Variants in NUP188 observed in about 807,000 individuals in gnomAD.
NUP188 encodes the protein nucleoporin 188.
NUP188 carries 97 observed loss-of-function variants against 223.0 expected under a neutral mutation model. The observed-to-expected ratio is 0.43, with a 90% CI of 0.37 to 0.51. The LOEUF (loss-of-function observed/expected upper bound fraction) is 0.51. NUP188 is among the 20% of genes least tolerant of loss of function. NUP188 has a pLI of 0.00. For missense variants in NUP188, 1,947 were observed against 2,175.6 expected (o/e 0.89, Z 2.09); for synonymous variants, 869 against 828.0 (o/e 1.05, Z -0.85).
intron 25 of NUP188, 157 bp from the exon 26 acceptor site, chr9:128,993,039 TG>T (rs1245464666): frequency 1.6e-6 from 1 of 625,704 alleles, no homozygotes; most frequent in African/African-American, 1.8e-5. Flanking sequence ...GGGCATCTCA[TG>T]CTTGTTTGTG....
intron 7 of NUP188, 48 bp downstream of exon 7, chr9:128,958,942 ATAATTT>A (rs1186322408): frequency 1.1e-5 from 16 of 1,413,084 alleles, no homozygotes; most frequent in Non-Finnish European, 1.5e-5. Flanking sequence ...TATCATCTTA[ATAATTT>A]TATTAATATT....
Position 129,006,305 on chromosome 9 carries a change from T to C in NUP188, c.5010T>C (p.Leu1670=). The change falls in exon 43 of 44, where the codon CTT becomes CTC. Residue 1670 remains leucine (L), a synonymous_variant. Coordinates refer to ENST00000372577, the MANE Select transcript of NUP188 (RefSeq NM_015354.3). ...YLLISQAMRY[L]RDPAVHPRDK... ...TCATCTCTCAGGCGATGCGGTACCT[T>C]AGGGACCCGGCTGTGCACCCCCGGG... 2 of 1,614,058 alleles carry C rather than the reference T, an allele frequency of 1.2e-6. No homozygotes were observed. Among genetic ancestry groups the C allele is most frequent in the Non-Finnish European group, 1.7e-6 (2 of 1,179,998 alleles).
At chr9:129,003,978 G>C (rs868211118) in intron 38 of NUP188, 1 of 114,162 alleles carries the variant, frequency 8.8e-6, no homozygotes, top group Non-Finnish European at 1.7e-5. Context: ...GTCCCAAAAA[G>C]AAAAAAAAAA....
At chr9:128,964,492 GC>G (rs2131149325) in intron 8 of NUP188, among the ~76,000 whole-genome samples, 1 of 150,326 alleles carries the variant, frequency 6.7e-6, no homozygotes, top group South Asian at 2.1e-4. Context: ...CCCACAAGTA[GC>G]TGGGACTACA....
rs1052429762 is a variant in NUP188, at chr9:128,970,850, A to G, written c.1005A>G (p.Pro335=). The G allele has an allele frequency of 1.2e-6, 2 of 1,614,046 alleles. No homozygotes were observed. Among genetic ancestry groups the G allele is most frequent in the African/African-American group, 1.3e-5 (1 of 74,930 alleles). The change falls in exon 11 of 44, where the codon CCA becomes CCG. Residue 335 remains proline (P), a synonymous_variant. Coordinates refer to ENST00000372577, the MANE Select transcript of NUP188 (RefSeq NM_015354.3). ...CTCTCCTCCGTCACACTCTGAACCC[A>G]GAAGAGACAAGCAGTGTGGTCCGGA... ...AWALLRHTLN[P]EETSSVVRKI...
intron 12 of NUP188, among the ~76,000 whole-genome samples, chr9:128,974,243 A>G (rs112782332): frequency 9.2e-5 from 14 of 151,842 alleles, no homozygotes; most frequent in African/African-American, 3.4e-4. Flanking sequence ...AGGTCTCAGT[A>G]TATTGCCCAG....
intron 36 of NUP188, among the ~76,000 whole-genome samples, chr9:129,002,184 T>G (rs1842683640): frequency 1.3e-5 from 2 of 152,240 alleles, no homozygotes; most frequent in Non-Finnish European, 1.5e-5. Context: ...GCACTACCTC[T>G]GGGAGATGGG....
At chr9:128,979,814 A>C (rs1018621823) in intron 13 of NUP188, among the ~76,000 whole-genome samples, 1 of 152,010 alleles carries the variant, frequency 6.6e-6, no homozygotes, top group African/African-American at 2.4e-5. Context: ...TTGTATTTCT[A>C]GTAGAGACGG....
rs112561559 is a variant in NUP188, at chr9:129,006,522, C to G, written c.5094C>G (p.Leu1698=). 2.3e-4 allele frequency: 364 copies of G among 1,613,788 alleles called. No homozygotes were observed. In the African/African-American group the frequency reaches 3.7e-3, roughly 17 times the overall value. Residue 1698 remains leucine, a synonymous_variant, in exon 44 of 44, where the codon CTC becomes CTG. Transcript: ENST00000372577. The part of the protein sequence containing the change: ...SSELSTLLSS[L]SRYFRRGAPS... ...TGTAGAGCACGCTGCTGTCCAGCCT[C>G]TCGCGCTACTTCCGCCGGGGAGCCC...
chr9:128,992,217 T>C (rs2131176635), intron 25 of NUP188, among the ~76,000 whole-genome samples: 1 of 151,036 alleles, frequency 6.6e-6, no homozygotes, highest in East Asian at 2.0e-4. Flanking sequence ...TGTTTTTGTT[T>C]TGAGACAGTC....
intron 7 of NUP188, 47 bp downstream of exon 7, chr9:128,958,941 A>T (rs1841907406): frequency 7.1e-7 from 1 of 1,413,646 alleles, no homozygotes; most frequent in African/African-American, 1.5e-5. Flanking sequence ...GTATCATCTT[A>T]ATAATTTTAT....
chr9:128,966,266 G>C (rs1041121481), intron 8 of NUP188, among the ~76,000 whole-genome samples: 3 of 145,994 alleles, frequency 2.1e-5, no homozygotes, highest in East Asian at 2.1e-4. Flanking sequence ...GTGTCTGTGT[G>C]TGTGTGTGTG....
rs1265950452 is a variant in NUP188 at position 128,960,997 on chromosome 9, T to TTC, written c.585+1864_585+1865dup. Reference sequence around the variant, plus strand: ...CTACTCAGGAGGCTGGAGTGGGAGATTCACTTGAGCCTAGGAGGCAGAGGT... The same window carrying TTC: ...CTACTCAGGAGGCTGGAGTGGGAGATTCTCACTTGAGCCTAGGAGGCAGAGGT... On this transcript the variant is annotated intron_variant, in intron 8 of 43. Coordinates refer to ENST00000372577, the MANE Select transcript of NUP188 (RefSeq NM_015354.3). Among the ~76,000 whole-genome samples, 263 of 149,974 alleles carry TTC rather than the reference T, an allele frequency of 1.8e-3. 1 individual carries two copies. Among genetic ancestry groups the TTC allele is most frequent in the Middle Eastern group, 6.9e-3 (2 of 290 alleles).
chr9:128,955,284 T>C (rs752431385), intron 3 of NUP188, among the ~76,000 whole-genome samples: 1 of 152,204 alleles, frequency 6.6e-6, no homozygotes, highest in Admixed American at 6.5e-5. Flanking sequence ...TTTTTTCTCT[T>C]TTCCTATTTT....
At chr9:128,999,384 C>A in intron 33 of NUP188, 67 bp downstream of exon 33, 1 of 1,566,384 alleles carries the variant, frequency 6.4e-7, no homozygotes, top group Non-Finnish European at 8.7e-7. Flanking sequence ...CCAGGCAGGG[C>A]TTCCTTCAGC....
intron 34 of NUP188, among the ~76,000 whole-genome samples, chr9:129,000,009 G>T (rs1011900777): frequency 6.6e-6 from 1 of 152,248 alleles, no homozygotes; most frequent in Non-Finnish European, 1.5e-5. Flanking sequence ...GGAGAACTTA[G>T]TCTCACTTCT....
At chr9:128,974,810 A>G (rs918787770) in intron 12 of NUP188, among the ~76,000 whole-genome samples, 1 of 151,466 alleles carries the variant, frequency 6.6e-6, no homozygotes, top group Admixed American at 6.6e-5. Flanking sequence ...GGAGTGCAGA[A>G]TACAGTGGCG....
chr9:128,964,365 T>C (rs1841998183), intron 8 of NUP188: 9 of 134,834 alleles, frequency 6.7e-5, no homozygotes, highest in Non-Finnish European at 1.2e-4. Context: ...ACCTTAATTC[T>C]TTTTTTTTTT....
At chr9:128,974,389 GTTTTTTTTTTTTTTT>G (rs778841218) in intron 12 of NUP188, among the ~76,000 whole-genome samples, 1 of 113,352 alleles carries the variant, frequency 8.8e-6, no homozygotes, top group African/African-American at 3.5e-5. Flanking sequence ...GCAGGTTGTT[GTTTTTTTTTTTTTTT>G]TTTTTGAGAC....
Sources: gnomAD v4.1 joint callset for allele counts (sites outside exome capture counted in the v4.1 genomes callset) on GRCh38, gnomAD v4.1.1 for gene constraint, MANE v1.5 for transcripts, NCBI Gene and HGNC (gene_info 2026-07-23, HGNC 2026-07-21) for gene names.